Variants in DDR2 observed in about 807,000 individuals in gnomAD.
DDR2 encodes the protein discoidin domain-containing receptor 2.
In DDR2, 27 loss-of-function variants were observed where a neutral mutation model predicts 94.9. The ratio of observed to expected loss-of-function variants is 0.28; its 90% CI spans 0.21 to 0.39. DDR2 has a LOEUF of 0.39. Ranked by LOEUF, DDR2 falls within the 10% of genes least tolerant of loss-of-function variation. The pLI is 1.00. For synonymous variants in DDR2, 382 were observed against 377.2 expected (o/e 1.01, Z -0.15); for missense variants, 783 against 1,076.0 (o/e 0.73, Z 3.81).
chr1:162,721,167 G>T (rs776817999), intron 3 of DDR2, among the ~76,000 whole-genome samples: 1 of 152,180 alleles, frequency 6.6e-6, no homozygotes, highest in Non-Finnish European at 1.5e-5. Flanking sequence ...GGATGTTTTG[G>T]TGGTAAGCAT....
chr1:162,685,106 T>G (rs1659624669), intron 2 of DDR2, among the ~76,000 whole-genome samples: 1 of 152,210 alleles, frequency 6.6e-6, no homozygotes, highest in African/African-American at 2.4e-5. Context: ...ATTTGGGGCA[T>G]GTTTTTTAAC....
chr1:162,638,169 C>T (rs958256811), intron 1 of DDR2, among the ~76,000 whole-genome samples: 4 of 152,040 alleles, frequency 2.6e-5, no homozygotes, highest in African/African-American at 7.2e-5. Context: ...TACAGACACC[C>T]GCCACCAAGC....
At chr1:162,764,826 A>T (rs1410090838) in intron 9 of DDR2, among the ~76,000 whole-genome samples, 2 of 140,672 alleles carry the variant, frequency 1.4e-5, no homozygotes, top group African/African-American at 2.6e-5. Context: ...GACCCTGTTT[A>T]AAAAAAAAAA....
intron 2 of DDR2, among the ~76,000 whole-genome samples, chr1:162,689,034 A>G (rs1659829802): frequency 6.6e-6 from 1 of 152,208 alleles, no homozygotes; most frequent in Admixed American, 6.5e-5. Flanking sequence ...TCTTTAACTC[A>G]GGCTGGTTGA....
chr1:162,746,530 C>T (rs974521194), intron 3 of DDR2, among the ~76,000 whole-genome samples: 2 of 152,238 alleles, frequency 1.3e-5, no homozygotes, highest in African/African-American at 4.8e-5. Flanking sequence ...TCTGTAGACG[C>T]CACCTCTGTG....
intron 9 of DDR2, among the ~76,000 whole-genome samples, chr1:162,765,663 T>C (rs1663954267): frequency 6.6e-6 from 1 of 151,690 alleles, no homozygotes; most frequent in Admixed American, 6.6e-5. Context: ...ATTTACCCGC[T>C]ATATTCTGTC....
chr1:162,735,898 C>G (rs1443340388), intron 3 of DDR2, among the ~76,000 whole-genome samples: 4 of 152,180 alleles, frequency 2.6e-5, no homozygotes, highest in Non-Finnish European at 5.9e-5. Context: ...CTCATGTGAC[C>G]CACATTCCCT....
At chr1:162,635,426 A>G (rs186864402) in intron 1 of DDR2, among the ~76,000 whole-genome samples, 3 of 152,242 alleles carry the variant, frequency 2.0e-5, no homozygotes, top group Admixed American at 2.0e-4. Flanking sequence ...CTCACCTCAA[A>G]CACACAATCC....
At chr1:162,643,951 C>T (rs1657281743) in intron 1 of DDR2, among the ~76,000 whole-genome samples, 1 of 152,068 alleles carries the variant, frequency 6.6e-6, no homozygotes, top group African/African-American at 2.4e-5. Flanking sequence ...CAGAATGGCT[C>T]CATATTTGTT....
intron 3 of DDR2, among the ~76,000 whole-genome samples, chr1:162,742,527 G>A (rs958640792): frequency 2.0e-5 from 3 of 152,228 alleles, no homozygotes; most frequent in Non-Finnish European, 2.9e-5. Context: ...AACTTAGAGC[G>A]AGAGCTCACT....
At chr1:162,766,346 A>G (rs1341915616) in intron 10 of DDR2, among the ~76,000 whole-genome samples, 1 of 152,198 alleles carries the variant, frequency 6.6e-6, no homozygotes, top group Non-Finnish European at 1.5e-5. Context: ...AGGGAAAGGG[A>G]CATTCCTGGG....
At chr1:162,635,012 C>T (rs949050846) in intron 1 of DDR2, among the ~76,000 whole-genome samples, 5 of 152,186 alleles carry the variant, frequency 3.3e-5, no homozygotes, top group African/African-American at 9.7e-5. Context: ...AGGCCTCAGC[C>T]TCTGTTTCTG....
rs994911297 is a variant in DDR2, at chr1:162,683,401, G to T, written c.-28+28027G>T. 3.9e-5 allele frequency among the ~76,000 whole-genome samples: 6 copies of T among 152,014 alleles called. No individual in the cohort carries two copies. In the East Asian group the frequency reaches 9.6e-4, roughly 24 times the overall value. ...AACTATATTTGAAGATGACATGATT[G>T]CCTACAGAAAAAAATACCAACACAT... On this transcript the variant is annotated intron_variant, in intron 2 of 17. Transcript: ENST00000367921.
At chr1:162,715,813 T>C (rs1661143288) in intron 2 of DDR2, among the ~76,000 whole-genome samples, 1 of 152,240 alleles carries the variant, frequency 6.6e-6, no homozygotes, top group Non-Finnish European at 1.5e-5. Context: ...ATGGTATAGG[T>C]ATAATACTTC....
intron 3 of DDR2, among the ~76,000 whole-genome samples, chr1:162,750,926 G>C (rs1180264567): frequency 3.9e-5 from 6 of 152,260 alleles, no homozygotes; most frequent in Admixed American, 3.9e-4. Context: ...ATGGTGCTGG[G>C]AAAACTGGCT....
chr1:162,741,278 A>AATGTAATG (rs1558057690), intron 3 of DDR2, among the ~76,000 whole-genome samples: 3 of 127,054 alleles, frequency 2.4e-5, no homozygotes, highest in African/African-American at 9.0e-5. Flanking sequence ...ATAATATAAT[A>AATGTAATG]TAATATAATA....
intron 1 of DDR2, among the ~76,000 whole-genome samples, chr1:162,640,148 T>C (rs1657054598): frequency 6.6e-6 from 1 of 151,970 alleles, no homozygotes. Flanking sequence ...TTCAAGCGAT[T>C]TTCCTGCCTC....
At chr1:162,730,382 G>A (rs1044170886) in intron 3 of DDR2, among the ~76,000 whole-genome samples, 3 of 152,056 alleles carry the variant, frequency 2.0e-5, no homozygotes, top group Non-Finnish European at 4.4e-5. Flanking sequence ...GGCTACAAGC[G>A]GAGCATTTTG....
intron 2 of DDR2, among the ~76,000 whole-genome samples, chr1:162,665,189 C>T (rs1658490917): frequency 6.6e-6 from 1 of 152,172 alleles, no homozygotes; most frequent in Non-Finnish European, 1.5e-5. Flanking sequence ...CTACTTGTTC[C>T]TGGGGACAGA....
Sources: allele counts gnomAD v4.1 joint callset (sites outside exome capture counted in the v4.1 genomes callset), GRCh38; gene constraint gnomAD v4.1.1; transcripts MANE v1.5; gene names NCBI Gene and HGNC (gene_info 2026-07-23, HGNC 2026-07-21).